Variants in NUMA1 observed in about 807,000 individuals in gnomAD.
NUMA1 encodes the protein nuclear mitotic apparatus protein 1.
In NUMA1, 62 loss-of-function variants were observed where a neutral mutation model predicts 237.1. That is an observed-to-expected ratio of 0.26 (90% confidence interval 0.21 to 0.32). NUMA1 has a LOEUF of 0.32. Ranked by LOEUF, NUMA1 falls within the 10% of genes least tolerant of loss-of-function variation. The probability of loss-of-function intolerance (pLI) is 1.00; values close to 1 mark genes in which losing one functional copy is unlikely to be tolerated. For missense variants in NUMA1, 2,533 were observed against 2,666.5 expected, an observed-to-expected ratio of 0.95 and a Z score of 1.10; for synonymous variants, 1,028 against 1,066.1, an observed-to-expected ratio of 0.96 and a Z score of 0.70.
chr11:72,035,290 G>T (rs929502604), intron 3 of NUMA1, among the ~76,000 whole-genome samples: 4 of 152,112 alleles, frequency 2.6e-5, no homozygotes, highest in Non-Finnish European at 4.4e-5. Flanking sequence ...GATGGACAAT[G>T]GCAACAGACA....
intron 22 of NUMA1, 91 bp from the exon 23 acceptor site, chr11:72,005,460 AC>A: frequency 1.6e-6 from 2 of 1,270,872 alleles, no homozygotes; most frequent in Non-Finnish European, 1.1e-6. Context: ...GCTGCCACCT[AC>A]CCCATAAACT....
rs925821571 is a variant in NUMA1 at position 72,013,851 on chromosome 11, G to A, written c.3652C>T (p.Gln1218Ter). The A allele has an allele frequency of 6.2e-7, 1 of 1,613,278 alleles. No homozygotes were observed. Residue 1218 changes from glutamine to a stop codon, truncating the protein, a stop_gained, in exon 15 of 27, where the codon CAA becomes TAA. Coordinates refer to ENST00000393695, the MANE Select transcript of NUMA1 (RefSeq NM_006185.4). LOFTEE classifies it high-confidence loss of function. The surrounding 1 kb of genome is among the most constrained non-coding windows in gnomAD (Gnocchi z 6.8). ...AGGCTATTTTTCCTCTCAGCCTCTTGCCGGCCCCGGGCCACCTGGGCCTTC... is the reference window on the plus strand; with the variant it reads ...AGGCTATTTTTCCTCTCAGCCTCTTACCGGCCCCGGGCCACCTGGGCCTTC... ...EWKAQVARGRQEAERKNSLIS... is the reference protein window; with the variant it reads ...EWKAQVARGR
intron 2 of NUMA1, among the ~76,000 whole-genome samples, chr11:72,045,347 T>C (rs1185998087): frequency 6.6e-6 from 1 of 152,222 alleles, no homozygotes; most frequent in Non-Finnish European, 1.5e-5. Context: ...GTATCATTTG[T>C]AGTCTGTAGT....
intron 7 of NUMA1, 64 bp from the exon 8 acceptor site, chr11:72,021,355 G>A (rs1938794421): frequency 6.9e-7 from 1 of 1,446,856 alleles, no homozygotes; most frequent in Non-Finnish European, 9.7e-7. Context: ...TGGCTGCCAG[G>A]AGCTCCACCC....
intron 3 of NUMA1, among the ~76,000 whole-genome samples, chr11:72,033,202 T>C (rs941002883): frequency 1.3e-5 from 2 of 152,094 alleles, no homozygotes; most frequent in African/African-American, 4.8e-5. Flanking sequence ...TAGGTTGGAG[T>C]GCAGCAGCTA....
At chr11:72,067,285 AACTGGTAC>A (rs1943242290) in intron 2 of NUMA1, 2 of 152,246 alleles carry the variant, frequency 1.3e-5, no homozygotes, top group African/African-American at 4.8e-5. Context: ...ATTAACTTCC[AACTGGTAC>A]ACAAGGCTTT....
chr11:72,015,290 TCA>T lies in NUMA1; in HGVS notation c.2211_2212del (p.Glu738AlafsTer13). 1 of 1,613,682 alleles carries T rather than the reference TCA, an allele frequency of 6.2e-7. No homozygotes were observed. The highest frequency in any genetic ancestry group is 8.5e-7 in the Non-Finnish European group (1 of 1,180,028). On this transcript the variant is annotated frameshift_variant, in exon 15 of 27. Transcript: ENST00000393695. LOFTEE classifies it high-confidence loss of function. This position sits in a 1 kb window ranked among gnomAD's most constrained non-coding sequence, Gnocchi z 4.0. ...CAGGCTTCGGGTCTCTGCCTTCAGC[TCA>T]GAGATACAACGCTGCTGCTCTTCCA...
At chr11:72,075,934 CA>C (rs1272983917) in intron 1 of NUMA1, among the ~76,000 whole-genome samples, 1 of 152,156 alleles carries the variant, frequency 6.6e-6, no homozygotes, top group Non-Finnish European at 1.5e-5. Context: ...CTTGAGTCCA[CA>C]AAAGGCACTG....
At chr11:72,054,546 C>T (rs970833339) in intron 2 of NUMA1, among the ~76,000 whole-genome samples, 1 of 151,780 alleles carries the variant, frequency 6.6e-6, no homozygotes, top group East Asian at 1.9e-4. Flanking sequence ...CAAGCAAATA[C>T]TATTAATACC....
intron 1 of NUMA1, among the ~76,000 whole-genome samples, chr11:72,074,150 C>A (rs950266165): frequency 6.7e-6 from 1 of 150,136 alleles, no homozygotes; most frequent in African/African-American, 2.5e-5. Context: ...GCCAAGATCA[C>A]GCCATTGCAC....
intron 16 of NUMA1, among the ~76,000 whole-genome samples, chr11:72,011,144 G>A (rs1305933835): frequency 6.6e-6 from 1 of 152,132 alleles, no homozygotes; most frequent in African/African-American, 2.4e-5. Context: ...CCAAAATCAG[G>A]AGAATTGACT....
chr11:72,014,165 C>G lies in NUMA1; in HGVS notation c.3338G>C (p.Gly1113Ala). ...SGSGAQSEAA[G>A]RTEPTGPKLE... ...CTTGGGGCCTGTTGGCTCTGTCCTG[C>G]CAGCAGCCTCAGATTGGGCTCCTGA... The change falls in exon 15 of 27, where the codon GGC becomes GCC. Residue 1113 changes from glycine (G) to alanine (A), a missense_variant. Gly to Ala is a moderately conservative substitution (Grantham distance 60, BLOSUM62 0). Around this residue, in one of 3 missense-constraint regions of NUMA1, gnomAD observed 1,414 missense variants for 1,508.1 expected, o/e 0.94. Coordinates refer to ENST00000393695, the MANE Select transcript of NUMA1 (RefSeq NM_006185.4). The surrounding 1 kb of genome is among the most constrained non-coding windows in gnomAD (Gnocchi z 4.6). 6.2e-7 allele frequency: 1 copy of G among 1,613,644 alleles called. No individual in the cohort carries two copies. The highest frequency in any genetic ancestry group is 8.5e-7 in the Non-Finnish European group (1 of 1,180,032).
At chr11:72,029,423 A>G in intron 3 of NUMA1, 133 bp from the exon 4 acceptor site, 1 of 498,698 alleles carries the variant, frequency 2.0e-6, no homozygotes, top group Non-Finnish European at 3.5e-6. Flanking sequence ...TCAGGTTTTT[A>G]ATTTCAGGAA....
intron 7 of NUMA1, among the ~76,000 whole-genome samples, chr11:72,021,543 G>A (rs1426673389): frequency 2.6e-5 from 4 of 152,192 alleles, no homozygotes; most frequent in Non-Finnish European, 5.9e-5. Flanking sequence ...GTTCCTGACT[G>A]ACTTAACTCC....
Position 72,013,659 on chromosome 11 carries a change from T to G in NUMA1, c.3844A>C (p.Arg1282=), listed in dbSNP as rs1956297937. 6.2e-7 allele frequency: 1 copy of G among 1,609,518 alleles called. No homozygotes were observed. Among genetic ancestry groups the G allele is most frequent in the South Asian group, 1.1e-5 (1 of 91,084 alleles). Residue 1282 remains arginine (R), a synonymous_variant, in exon 15 of 27, where the codon AGA becomes CGA. Coordinates refer to ENST00000393695, the MANE Select transcript of NUMA1 (RefSeq NM_006185.4). This position sits in a 1 kb window ranked among gnomAD's most constrained non-coding sequence, Gnocchi z 6.8. The part of the protein sequence containing the change: ...LQAETASNSA[R]AAERSSALRE... ...AGAGCAGAGCTGCGTTCTGCAGCTCTGGCACTGTTGCTGGCTGTCTCTGCC... is the reference window on the plus strand; with the variant it reads ...AGAGCAGAGCTGCGTTCTGCAGCTCGGGCACTGTTGCTGGCTGTCTCTGCC...
At chr11:72,046,594 G>GGA (rs138787982) in intron 2 of NUMA1, among the ~76,000 whole-genome samples, 28 of 149,508 alleles carry the variant, frequency 1.9e-4, no homozygotes, top group African/African-American at 2.9e-4. Flanking sequence ...GCGGGGAGAG[G>GGA]GAGAGAGAGA....
At chr11:72,033,324 C>A (rs1940575299) in intron 3 of NUMA1, among the ~76,000 whole-genome samples, 2 of 151,088 alleles carry the variant, frequency 1.3e-5, no homozygotes, top group African/African-American at 4.9e-5. Flanking sequence ...CTGATCCCAG[C>A]ACATATAACT....
At chr11:72,021,811 G>A (rs993459070) in intron 7 of NUMA1, among the ~76,000 whole-genome samples, 6 of 152,022 alleles carry the variant, frequency 3.9e-5, no homozygotes, top group African/African-American at 4.8e-5. Context: ...ACAGGGTCTC[G>A]CTATGTTACC....
chr11:72,033,955 C>T (rs888439068), intron 3 of NUMA1, among the ~76,000 whole-genome samples: 10 of 152,198 alleles, frequency 6.6e-5, no homozygotes, highest in Middle Eastern at 3.4e-3. Flanking sequence ...CCCATCTCTA[C>T]AAAAAGTTTT....
Sources: allele counts gnomAD v4.1 joint callset (sites outside exome capture counted in the v4.1 genomes callset), GRCh38; gene constraint gnomAD v4.1.1; regional missense constraint gnomAD v4.1.1; non-coding constraint Gnocchi (gnomAD v3.1); transcripts MANE v1.5; gene names NCBI Gene and HGNC (gene_info 2026-07-23, HGNC 2026-07-21).